Variants in CIT observed in about 807,000 individuals in gnomAD.
The protein encoded by CIT is citron rho-interacting serine/threonine kinase.
CIT carries 79 observed loss-of-function variants against 272.7 expected under a neutral mutation model. The ratio of observed to expected loss-of-function variants is 0.29; its 90% confidence interval spans 0.24 to 0.35. CIT has a LOEUF of 0.35. Among genes scored for constraint, CIT ranks in the 10% least tolerant of loss-of-function variants. The pLI is 1.00. For synonymous variants in CIT, 948 were observed against 995.6 expected (o/e 0.95, Z 0.90); for missense variants, 1,909 against 2,618.3 (o/e 0.73, Z 5.91).
chr12:119,858,844 G>A (rs540618220), intron 3 of CIT, among the ~76,000 whole-genome samples: 7 of 152,052 alleles, frequency 4.6e-5, no homozygotes, highest in African/African-American at 1.4e-4. Flanking sequence ...CAGCGTGGTG[G>A]GCAGAAGGGC....
chr12:119,782,705 G>A, intron 12 of CIT, 68 bp from the exon 13 acceptor site: 1 of 1,588,576 alleles, frequency 6.3e-7, no homozygotes, highest in African/African-American at 1.3e-5. Flanking sequence ...GACTCATTAA[G>A]AGAGCTGCAA....
At chr12:119,803,458 G>A (rs188917371) in intron 9 of CIT, 69 bp from the exon 10 acceptor site, 294 of 1,168,958 alleles carry the variant, frequency 2.5e-4, no homozygotes, top group Admixed American at 3.6e-4. Context: ...ACACTGTTGC[G>A]GAGAAGATCG....
At chr12:119,688,721 A>G (rs867529618) in intron 47 of CIT, among the ~76,000 whole-genome samples, 2 of 152,318 alleles carry the variant, frequency 1.3e-5, no homozygotes, top group South Asian at 2.1e-4. Context: ...GGTCTTCCAC[A>G]CCCATCCCTC....
Position 119,724,107 on chromosome 12 carries a change from C to T in CIT, c.3592-2658G>A, listed in dbSNP as rs150562370. Among the ~76,000 whole-genome samples, 206 of 151,940 alleles carry T rather than the reference C, an allele frequency of 1.4e-3. 1 individual carries two copies. The highest frequency in any genetic ancestry group is 3.7e-3 in the Admixed American group (56 of 15,238). Reference sequence around the variant, plus strand: ...GGAGTTTGAGGGCAACATAGGGAGACGCCGTCTCTACAAAAATACTTGAAA... The same window carrying T: ...GGAGTTTGAGGGCAACATAGGGAGATGCCGTCTCTACAAAAATACTTGAAA... On this transcript the variant is annotated intron_variant, in intron 28 of 47. Transcript: ENST00000392521.
chr12:119,784,132 C>A lies in CIT; in HGVS notation c.1402-81G>T. On this transcript the variant is annotated intron_variant, in intron 11 of 47. Coordinates refer to ENST00000392521, the MANE Select transcript of CIT (RefSeq NM_001206999.2). This position sits in a 1 kb window ranked among gnomAD's most constrained non-coding sequence, Gnocchi z 4.7. Reference sequence around the variant, plus strand: ...TCACATCTCAAGTAGCCTCCGAAACCACCTGGTGGTCTGGGCTAAGGCTAA... The same window carrying A: ...TCACATCTCAAGTAGCCTCCGAAACAACCTGGTGGTCTGGGCTAAGGCTAA... 1 of 1,612,858 alleles carries A rather than the reference C, an allele frequency of 6.2e-7. No homozygotes were observed. Among genetic ancestry groups the A allele is most frequent in the Non-Finnish European group, 8.5e-7 (1 of 1,179,320 alleles).
intron 41 of CIT, among the ~76,000 whole-genome samples, chr12:119,702,981 C>A (rs1333496376): frequency 6.6e-6 from 1 of 152,144 alleles, no homozygotes; most frequent in African/African-American, 2.4e-5. Context: ...CATCAAAAAA[C>A]CAGGCACACC....
At chr12:119,744,372 C>A (rs934042751) in intron 23 of CIT, among the ~76,000 whole-genome samples, 1 of 151,262 alleles carries the variant, frequency 6.6e-6, no homozygotes, top group Non-Finnish European at 1.5e-5. Flanking sequence ...CAGTTTAGGG[C>A]AGATGTAAGA....
Position 119,687,896 on chromosome 12 carries a change from G to T in CIT, c.*336C>A. 1.1e-5 allele frequency: 3 copies of T among 277,370 alleles called. No individual in the cohort carries two copies. The highest frequency in any genetic ancestry group is 2.2e-5 in the African/African-American group (1 of 45,328). 17.2% of individuals were successfully genotyped at this position (277,370 alleles called of 1,614,324 possible). A position where few individuals can be genotyped will look rare whatever the true frequency, so the allele number is the denominator to read the frequency against. ...AGCTAATTAGGATTCTAACCATGTT[G>T]TAGTTAGCATCCCGGTTGGTTTCCT... On this transcript the variant is annotated 3_prime_UTR_variant, in exon 48 of 48. Coordinates refer to ENST00000392521, the MANE Select transcript of CIT (RefSeq NM_001206999.2).
At chr12:119,735,138 C>T (rs1958682404) in intron 25 of CIT, 22 bp downstream of exon 25, 2 of 1,611,092 alleles carry the variant, frequency 1.2e-6, no homozygotes, top group African/African-American at 1.3e-5. Context: ...AGGGATCTCA[C>T]GACCTTGTTA....
intron 27 of CIT, among the ~76,000 whole-genome samples, chr12:119,729,061 C>G (rs1958286671): frequency 1.3e-5 from 2 of 152,110 alleles, no homozygotes; most frequent in African/African-American, 4.8e-5. Flanking sequence ...ATAAGAAAGG[C>G]TTGGGAAAGA....
At chr12:119,841,063 T>C (rs1320623140) in intron 5 of CIT, among the ~76,000 whole-genome samples, 1 of 152,088 alleles carries the variant, frequency 6.6e-6, no homozygotes, top group Non-Finnish European at 1.5e-5. Context: ...ATCCAGTGGT[T>C]TCAGATCCAG....
chr12:119,839,420 G>A (rs763720795), intron 5 of CIT, among the ~76,000 whole-genome samples: 10 of 152,308 alleles, frequency 6.6e-5, no homozygotes, highest in African/African-American at 1.4e-4. Context: ...TGAAAGTGCC[G>A]TGAAAATGTA....
intron 24 of CIT, among the ~76,000 whole-genome samples, chr12:119,737,306 CAAAAAAAAAAAAAAAAAA>C (rs145489542): frequency 2.0e-3 from 48 of 24,178 alleles, no homozygotes; most frequent in South Asian, 5.2e-3. Context: ...GATTCCATCT[CAAAAAAAAAAAAAAAAAA>C]AAAAAAAAAA....
At chr12:119,797,912 G>T (rs1965871951) in intron 10 of CIT, among the ~76,000 whole-genome samples, 1 of 152,192 alleles carries the variant, frequency 6.6e-6, no homozygotes, top group Non-Finnish European at 1.5e-5. Context: ...GAGAGTTGCA[G>T]CCATAAGAAT....
intron 23 of CIT, among the ~76,000 whole-genome samples, chr12:119,744,714 C>CA (rs33990797): frequency 0.68 from 70,378 of 103,468 alleles, 24,420 homozygotes; most frequent in Middle Eastern, 0.81. Context: ...GACTCCGCCT[C>CA]AAAAAAAAAA....
chr12:119,740,015 A>T (rs1958981335), intron 24 of CIT, among the ~76,000 whole-genome samples: 1 of 152,232 alleles, frequency 6.6e-6, no homozygotes, highest in Admixed American at 6.5e-5. Flanking sequence ...CACGTAGGTT[A>T]CTAAGAGGCC....
chr12:119,863,723 G>A (rs535873646), intron 3 of CIT, among the ~76,000 whole-genome samples: 1 of 151,696 alleles, frequency 6.6e-6, no homozygotes, highest in South Asian at 2.1e-4. Flanking sequence ...GAGACGGGGG[G>A]GTTTCACCAT....
intron 44 of CIT, 110 bp from the exon 45 acceptor site, chr12:119,698,164 C>G: frequency 1.1e-6 from 1 of 917,240 alleles, no homozygotes; most frequent in Non-Finnish European, 1.8e-6. Context: ...TGTAAAGCAA[C>G]TCACCCAACA....
intron 40 of CIT, among the ~76,000 whole-genome samples, chr12:119,705,570 A>C (rs1317253387): frequency 6.6e-6 from 1 of 152,114 alleles, no homozygotes; most frequent in African/African-American, 2.4e-5. Flanking sequence ...ACATTTTTTG[A>C]ACAGTTCAGA....
Sources: gnomAD v4.1 joint callset for allele counts (sites outside exome capture counted in the v4.1 genomes callset) on GRCh38, gnomAD v4.1.1 for gene constraint, Gnocchi (gnomAD v3.1) non-coding constraint, MANE v1.5 for transcripts, NCBI Gene and HGNC (gene_info 2026-07-23, HGNC 2026-07-21) for gene names.